Variants in PCDHGA1 observed in about 807,000 individuals in gnomAD.
PCDHGA1 encodes protocadherin gamma-A1.
Under a neutral mutation model 58.0 loss-of-function variants are expected in PCDHGA1, and 32 were observed. That is an observed-to-expected ratio of 0.55 (90% CI 0.42 to 0.74). The LOEUF (loss-of-function observed/expected upper bound fraction) is 0.74. PCDHGA1 is among the 30% of genes least tolerant of loss of function. The probability of loss-of-function intolerance (pLI) is 0.00; values close to 1 mark genes in which losing one functional copy is unlikely to be tolerated. For synonymous variants in PCDHGA1, 498 were observed against 501.1 expected (o/e 0.99, Z 0.08); for missense variants, 1,205 against 1,182.3 (o/e 1.02, Z -0.28).
chr5:141,372,323 G>T, intron 1 of PCDHGA1: 5 of 1,613,694 alleles, frequency 3.1e-6, no homozygotes, highest in Non-Finnish European at 4.2e-6. Context: ...AGCGCCTGCT[G>T]GTCACTGTGC....
intron 1 of PCDHGA1, among the ~76,000 whole-genome samples, chr5:141,430,347 A>C (rs2097274758): frequency 6.6e-6 from 1 of 151,944 alleles, no homozygotes; most frequent in Non-Finnish European, 1.5e-5. Flanking sequence ...CTTCCAATTC[A>C]TTTAAAAGCT....
At chr5:141,392,775 A>G in intron 1 of PCDHGA1, 1 of 1,524,280 alleles carries the variant, frequency 6.6e-7, no homozygotes, top group Non-Finnish European at 8.8e-7. Context: ...CCATTTATGC[A>G]CAGTGAAGAT....
At chr5:141,510,534 C>T (rs1187165551) in intron 3 of PCDHGA1, among the ~76,000 whole-genome samples, 2 of 152,126 alleles carry the variant, frequency 1.3e-5, no homozygotes, top group African/African-American at 2.4e-5. Context: ...AGAGAAATAC[C>T]AGCGAATGTG....
intron 1 of PCDHGA1, among the ~76,000 whole-genome samples, chr5:141,464,921 G>A (rs1562002597): frequency 6.6e-6 from 1 of 151,106 alleles, no homozygotes; most frequent in Non-Finnish European, 1.5e-5. Flanking sequence ...TTATTTTTTT[G>A]TAGAGATGTG....
At chr5:141,363,773 T>C (rs1763060078) in intron 1 of PCDHGA1, among the ~76,000 whole-genome samples, 1 of 152,230 alleles carries the variant, frequency 6.6e-6, no homozygotes, top group Non-Finnish European at 1.5e-5. Context: ...AAGCACGTTT[T>C]CCTAAATTTA....
At chr5:141,345,520 T>C (rs1346130065) in intron 1 of PCDHGA1, 2 of 1,614,102 alleles carry the variant, frequency 1.2e-6, no homozygotes, top group Admixed American at 3.3e-5. Context: ...GAGGACACTC[T>C]CCAGGGGGCG....
rs1201366385 is a variant in PCDHGA1 at position 141,332,463 on chromosome 5, G to A, written c.1779G>A (p.Ala593=). The change falls in exon 1 of 4, where the codon GCG becomes GCA. Residue 593 remains alanine, a synonymous_variant. Coordinates refer to ENST00000517417, the MANE Select transcript of PCDHGA1 (RefSeq NM_018912.3). The surrounding 1 kb of genome is among the most constrained non-coding windows in gnomAD (Gnocchi z 4.6). ...GCTACCTGGTGACCAAGGTGGTGGC[G>A]GTGGACAGAGACTCGGGCCAGAACG... The part of the protein sequence containing the change: ...EPGYLVTKVV[A]VDRDSGQNAW... 9 of 1,613,556 alleles carry A rather than the reference G, an allele frequency of 5.6e-6. No homozygotes were observed. Among genetic ancestry groups the A allele is most frequent in the Admixed American group, 1.7e-5 (1 of 60,006 alleles).
intron 1 of PCDHGA1, among the ~76,000 whole-genome samples, chr5:141,466,724 A>G (rs2099128017): frequency 6.6e-6 from 1 of 152,148 alleles, no homozygotes. Flanking sequence ...TTTCCATTTT[A>G]GCAGAATTCA....
chr5:141,395,528 A>T, intron 1 of PCDHGA1: 1 of 368,434 alleles, frequency 2.7e-6, no homozygotes, highest in Non-Finnish European at 4.9e-6. Flanking sequence ...CCATACTGGT[A>T]ATTTTGCTAT....
At chr5:141,384,580 G>C in intron 1 of PCDHGA1, 1 of 1,614,196 alleles carries the variant, frequency 6.2e-7, no homozygotes, top group Non-Finnish European at 8.5e-7. Flanking sequence ...CAACCCGCCC[G>C]AGATCCTGTA....
At chr5:141,344,789 G>A (rs1757471687) in intron 1 of PCDHGA1, 2 of 1,613,948 alleles carry the variant, frequency 1.2e-6, no homozygotes, top group Non-Finnish European at 1.7e-6. Flanking sequence ...TGAGTGTTTG[G>A]GAGAACGTGC....
chr5:141,437,794 G>C (rs1162440523), intron 1 of PCDHGA1, among the ~76,000 whole-genome samples: 1 of 150,526 alleles, frequency 6.6e-6, no homozygotes, highest in Non-Finnish European at 1.5e-5. Context: ...CTGGAGTGCA[G>C]TGGCACTATC....
At chr5:141,482,901 A>G (rs192886570) in intron 1 of PCDHGA1, among the ~76,000 whole-genome samples, 1 of 152,122 alleles carries the variant, frequency 6.6e-6, no homozygotes, top group Admixed American at 6.6e-5. Context: ...GTGAAACCTC[A>G]TCTCTATTAA....
intron 1 of PCDHGA1, chr5:141,374,413 C>A (rs773364230): frequency 3.1e-6 from 5 of 1,613,972 alleles, no homozygotes; most frequent in Non-Finnish European, 3.4e-6. Flanking sequence ...ACATCCTTGT[C>A]GAGGATAAAC....
chr5:141,398,738 A>G, intron 1 of PCDHGA1: 1 of 1,613,880 alleles, frequency 6.2e-7, no homozygotes, highest in Admixed American at 1.7e-5. Flanking sequence ...GACCGGGAAC[A>G]ACAGAGTTAC....
chr5:141,424,294 C>G (rs1260250688), intron 1 of PCDHGA1: 1 of 152,470 alleles, frequency 6.6e-6, no homozygotes, highest in Non-Finnish European at 1.5e-5. Context: ...ATTTCTTCAT[C>G]CTATCAACAC....
Position 141,368,541 on chromosome 5 carries a change from T to A in PCDHGA1, c.2421+35436T>A, listed in dbSNP as rs544013276. Among the ~76,000 whole-genome samples, 312 of 152,078 alleles carry A rather than the reference T, an allele frequency of 2.1e-3. 1 individual carries two copies. Among genetic ancestry groups the A allele is most frequent in the Middle Eastern group, 0.01 (3 of 292 alleles). On this transcript the variant is annotated intron_variant, in intron 1 of 3. Transcript: ENST00000517417. ...TCCTATGTGAAAACTTGCTTTTCCA[T>A]TTTTTTTAAAAGAAAATGTTATATG...
At position 141,431,549 on chromosome 5, in the gene PCDHGA1, G is replaced by A. The variant is rs750427346; in HGVS notation, c.2422-63258G>A. ...GGCCTTGGGCACGCAGCTGCTTGTA[G>A]TCAACGCTACCGACCCTGACGAAGG... On this transcript the variant is annotated intron_variant, in intron 1 of 3. Coordinates refer to ENST00000517417, the MANE Select transcript of PCDHGA1 (RefSeq NM_018912.3). This position sits in a 1 kb window ranked among gnomAD's most constrained non-coding sequence, Gnocchi z 4.8. The A allele has an allele frequency of 6.2e-7, 1 of 1,614,156 alleles. No homozygotes were observed. Among genetic ancestry groups the A allele is most frequent in the South Asian group, 1.1e-5 (1 of 91,090 alleles).
chr5:141,408,125 C>T, intron 1 of PCDHGA1: 1 of 1,478,650 alleles, frequency 6.8e-7, no homozygotes, highest in South Asian at 1.4e-5. Context: ...CTGTCCTGGG[C>T]CGAATGCTCT....
Sources: gnomAD v4.1 joint callset for allele counts (sites outside exome capture counted in the v4.1 genomes callset) on GRCh38, gnomAD v4.1.1 for gene constraint, Gnocchi (gnomAD v3.1) non-coding constraint, MANE v1.5 for transcripts, NCBI Gene and HGNC (gene_info 2026-07-23, HGNC 2026-07-21) for gene names.